Variants in KLHL32 observed in about 807,000 individuals in gnomAD.
KLHL32 encodes the protein kelch-like protein 32.
KLHL32 carries 35 observed loss-of-function variants against 64.8 expected under a neutral mutation model. The observed-to-expected ratio is 0.54, with a 90% CI of 0.41 to 0.72. The LOEUF is 0.72. Ranked by LOEUF, KLHL32 falls within the 30% of genes least tolerant of loss-of-function variation. The pLI is 0.00. For synonymous variants in KLHL32, 259 were observed against 281.0 expected (o/e 0.92, Z 0.78); for missense variants, 589 against 768.5 (o/e 0.77, Z 2.76).
At chr6:96,976,993 T>C (rs1775773887) in intron 3 of KLHL32, among the ~76,000 whole-genome samples, 1 of 152,224 alleles carries the variant, frequency 6.6e-6, no homozygotes, top group African/African-American at 2.4e-5. Flanking sequence ...ATGCGGCTAA[T>C]GAAGACACAT....
intron 6 of KLHL32, among the ~76,000 whole-genome samples, chr6:97,102,021 T>A (rs1217094401): frequency 6.6e-6 from 1 of 152,242 alleles, no homozygotes; most frequent in African/African-American, 2.4e-5. Context: ...CCTTCACATG[T>A]CTGATCGCAT....
At chr6:97,074,127 G>C (rs1313683867) in intron 5 of KLHL32, among the ~76,000 whole-genome samples, 2 of 152,160 alleles carry the variant, frequency 1.3e-5, no homozygotes, top group Non-Finnish European at 2.9e-5. Flanking sequence ...AGTCATTCCT[G>C]TCTTCACTGA....
chr6:96,964,509 A>C (rs1207125176), intron 1 of KLHL32, among the ~76,000 whole-genome samples: 3 of 152,170 alleles, frequency 2.0e-5, no homozygotes, highest in African/African-American at 4.8e-5. Context: ...AAAAATTAGC[A>C]GGGCGTGTTG....
At chr6:97,094,605 A>G (rs1453733950) in intron 6 of KLHL32, among the ~76,000 whole-genome samples, 1 of 152,176 alleles carries the variant, frequency 6.6e-6, no homozygotes, top group Non-Finnish European at 1.5e-5. Flanking sequence ...GTGCGGTGGC[A>G]TGTTGATGAA....
At chr6:96,907,318 C>T in the KLHL32 span, among the ~76,000 whole-genome samples, 1 of 152,128 alleles carries the variant, frequency 6.6e-6, no homozygotes, top group Non-Finnish European at 1.5e-5. Context: ...CCTCACTAGT[C>T]ATTATTTTTA....
At position 96,938,046 on chromosome 6, in the gene KLHL32, C is replaced by G. The variant is rs530188860; in HGVS notation, c.-66+13020C>G. Among the ~76,000 whole-genome samples the G allele has an allele frequency of 5.3e-5, 8 of 152,276 alleles. No individual in the cohort carries two copies. In the South Asian group the frequency reaches 1.7e-3, roughly 32 times the overall value. On this transcript the variant is annotated intron_variant, in intron 1 of 10. Coordinates refer to ENST00000369261, the MANE Select transcript of KLHL32 (RefSeq NM_052904.4). ...CCTTTAGTGTTATGTATTTCTGATT[C>G]CTAAGCCTCTTTGTCAAGTAATGAA...
chr6:97,107,642 G>A lies in KLHL32; in HGVS notation c.628-6141G>A, dbSNP rs116163137. Among the ~76,000 whole-genome samples, 574 of 152,290 alleles carry A rather than the reference G, an allele frequency of 3.8e-3. 1 individual carries two copies. Among genetic ancestry groups the A allele is most frequent in the African/African-American group, 0.013 (526 of 41,562 alleles). The stretch of plus-strand genomic sequence containing the variant: ...GAAGTGGCCAACACCAAACATGTGA[G>A]GGAAGAAAACAAGGGCTTATGAATC... On this transcript the variant is annotated intron_variant, in intron 6 of 10. Transcript: ENST00000369261.
At chr6:96,990,344 T>C (rs1021587506) in intron 3 of KLHL32, among the ~76,000 whole-genome samples, 1 of 151,828 alleles carries the variant, frequency 6.6e-6, no homozygotes, top group Non-Finnish European at 1.5e-5. Flanking sequence ...TTTATGGGGG[T>C]GGGGGTTATG....
intron 5 of KLHL32, among the ~76,000 whole-genome samples, chr6:97,068,178 GA>G (rs201027681): frequency 1.7e-4 from 25 of 149,102 alleles, no homozygotes; most frequent in South Asian, 6.4e-4. Context: ...TTCCAAAAAA[GA>G]AAAAAAAAAG....
At chr6:97,132,775 T>C (rs535296627) in intron 10 of KLHL32, 28 bp downstream of exon 10, 1 of 1,503,698 alleles carries the variant, frequency 6.7e-7, no homozygotes, top group Non-Finnish European at 9.2e-7. Context: ...CTTTTGAAGT[T>C]TGTTCAAGTG....
chr6:97,033,504 C>A, intron 3 of KLHL32, among the ~76,000 whole-genome samples: 1 of 152,084 alleles, frequency 6.6e-6, no homozygotes, highest in Non-Finnish European at 1.5e-5. Context: ...GTGGCTATCA[C>A]TTTAAGATAC....
Position 96,967,747 on chromosome 6 carries a change from C to T in KLHL32, c.23+664C>T, listed in dbSNP as rs374379704. Among the ~76,000 whole-genome samples, 46 of 152,128 alleles carry T rather than the reference C, an allele frequency of 3.0e-4. No individual in the cohort carries two copies. The East Asian group carries it at 4.2e-3, about 14-fold the overall frequency. ...ATTAAACAAATAAGCACACCAGTAACGACACAAAAATAATTGTGAAAGTGC... is the reference window on the plus strand; with the variant it reads ...ATTAAACAAATAAGCACACCAGTAATGACACAAAAATAATTGTGAAAGTGC... On this transcript the variant is annotated intron_variant, in intron 2 of 10. Transcript: ENST00000369261.
chr6:96,918,883 A>AATTAAGTCT, the KLHL32 span, among the ~76,000 whole-genome samples: 2 of 152,216 alleles, frequency 1.3e-5, no homozygotes, highest in Admixed American at 1.3e-4. Flanking sequence ...AAAATTCCTC[A>AATTAAGTCT]ATTAAGTCTA....
At chr6:97,139,087 T>G (rs1185959406) in intron 10 of KLHL32, 34 bp from the exon 11 acceptor site, 1 of 1,584,706 alleles carries the variant, frequency 6.3e-7, no homozygotes, top group Admixed American at 1.9e-5. Context: ...CAGTCATCTT[T>G]GATACACAAG....
At chr6:97,107,300 A>T (rs896417148) in intron 6 of KLHL32, among the ~76,000 whole-genome samples, 2 of 152,212 alleles carry the variant, frequency 1.3e-5, no homozygotes, top group Non-Finnish European at 2.9e-5. Context: ...TCAAAAAAAA[A>T]AAAGAAGTTA....
chr6:97,123,987 G>A (rs1481674807), intron 7 of KLHL32, among the ~76,000 whole-genome samples: 1 of 152,194 alleles, frequency 6.6e-6, no homozygotes, highest in Non-Finnish European at 1.5e-5. Context: ...CATTTCAGCA[G>A]ATTAATCTAA....
At chr6:97,041,203 A>G (rs1427108344) in intron 3 of KLHL32, among the ~76,000 whole-genome samples, 1 of 152,170 alleles carries the variant, frequency 6.6e-6, no homozygotes, top group Non-Finnish European at 1.5e-5. Flanking sequence ...ACCAAGAGAA[A>G]GCGTTCGGTG....
At chr6:97,118,061 G>A (rs777332406) in intron 7 of KLHL32, among the ~76,000 whole-genome samples, 22 of 151,990 alleles carry the variant, frequency 1.4e-4, no homozygotes, top group African/African-American at 5.3e-4. Context: ...TCTAGGAGCT[G>A]GCAATCAAAT....
chr6:96,907,720 G>C, the KLHL32 span, among the ~76,000 whole-genome samples: 1 of 152,258 alleles, frequency 6.6e-6, no homozygotes, highest in South Asian at 2.1e-4. Flanking sequence ...GCTCATTTCT[G>C]TATCAATTCC....
Sources: allele counts gnomAD v4.1 joint callset (sites outside exome capture counted in the v4.1 genomes callset), GRCh38; gene constraint gnomAD v4.1.1; transcripts MANE v1.5; gene names NCBI Gene and HGNC (gene_info 2026-07-23, HGNC 2026-07-21).